The following LRRC27 variants were observed in gnomAD, a reference collection of about 807,000 sequenced individuals.
LRRC27 encodes leucine-rich repeat-containing protein 27.
LRRC27 carries 57 observed loss-of-function variants against 55.0 expected under a neutral mutation model. That is an observed-to-expected ratio of 1.04 (90% CI 0.84 to 1.29). The LOEUF is 1.29. Ranked by LOEUF, LRRC27 falls within the 50% of genes most tolerant of loss-of-function variation. The pLI is 0.00. For synonymous variants in LRRC27, 278 were observed against 251.9 expected, an observed-to-expected ratio of 1.10 and a Z score of -0.98; for missense variants, 721 against 651.5, an observed-to-expected ratio of 1.11 and a Z score of -1.16.
rs116121322 is a variant in LRRC27, at chr10:132,347,995, G to T, written c.565G>T (p.Val189Phe). ...TCTTACTCTCCCAGAGGCTCCACCGGTTAGAGAGATGACCCTCCGTGACCT... is the reference window on the plus strand; with the variant it reads ...TCTTACTCTCCCAGAGGCTCCACCGTTTAGAGAGATGACCCTCCGTGACCT... ...RNPTSQEAPP[V>F]REMTLRDLPS... The change falls in exon 6 of 11, where the codon GTT (valine) becomes TTT (phenylalanine). Residue 189 changes from valine (V) to phenylalanine (F), a missense_variant. Coordinates refer to ENST00000368614, the MANE Select transcript of LRRC27 (RefSeq NM_030626.3). 8 of 1,608,016 alleles carry T rather than the reference G, an allele frequency of 5.0e-6. No homozygotes were observed. The highest frequency in any genetic ancestry group is 4.2e-4 in the Middle Eastern group (2 of 4,770).
At position 132,348,776 on chromosome 10, in the gene LRRC27, T is replaced by C. The variant is rs1457886370; in HGVS notation, c.926+420T>C. 3.3e-5 allele frequency among the ~76,000 whole-genome samples: 5 copies of C among 152,198 alleles called. No homozygotes were observed. The highest frequency in any genetic ancestry group is 7.3e-5 in the Non-Finnish European group (5 of 68,034). On this transcript the variant is annotated intron_variant, in intron 6 of 10. Transcript: ENST00000368614. The surrounding 1 kb of genome is among the most constrained non-coding windows in gnomAD (Gnocchi z 4.2). ...ATTCTTGTGAGGCTTCGATCAGTGCTCACTGAATCCACATTTTACCTGTGA... is the reference window on the plus strand; with the variant it reads ...ATTCTTGTGAGGCTTCGATCAGTGCCCACTGAATCCACATTTTACCTGTGA...
In LRRC27 at chr10:132,372,409, A is replaced by G. The variant is rs2069240765; in HGVS notation, c.1417-2657A>G. ...TGGTGAAACCCCGTCTCTACTAAAAATACAAAAAATTAGCCGGGCACAGTG... is the reference window on the plus strand; with the variant it reads ...TGGTGAAACCCCGTCTCTACTAAAAGTACAAAAAATTAGCCGGGCACAGTG... On this transcript the variant is annotated intron_variant, in intron 10 of 10. Coordinates refer to ENST00000368614, the MANE Select transcript of LRRC27 (RefSeq NM_030626.3). The surrounding 1 kb of genome is among the most constrained non-coding windows in gnomAD (Gnocchi z 4.0). Among the ~76,000 whole-genome samples the G allele has an allele frequency of 1.3e-5, 2 of 152,236 alleles. No homozygotes were observed. Among genetic ancestry groups the G allele is most frequent in the Non-Finnish European group, 2.9e-5 (2 of 68,034 alleles).
intron 6 of LRRC27, among the ~76,000 whole-genome samples, chr10:132,349,798 G>A (rs1474390973): frequency 6.6e-6 from 1 of 152,190 alleles, no homozygotes; most frequent in African/African-American, 2.4e-5. Context: ...CTGCCCCATG[G>A]TTGGGTGGGC....
At chr10:132,332,580 C>T (rs3923974) in intron 1 of LRRC27, 19,238 of 152,080 alleles carry the variant, frequency 0.13, 1,368 homozygotes, top group East Asian at 0.35. Flanking sequence ...AAGATACTTT[C>T]CCTGTTCTGA....
upstream of LRRC27, chr10:132,331,830 G>C (rs1476707348): frequency 2.0e-6 from 3 of 1,534,924 alleles, no homozygotes; most frequent in Non-Finnish European, 2.6e-6. Context: ...CTTCAAGGCC[G>C]CGGGCGCGGA....
chr10:132,330,634 C>A, upstream of LRRC27: 1 of 669,106 alleles, frequency 1.5e-6, no homozygotes, highest in Non-Finnish European at 2.7e-6. Context: ...CACCCTCCCA[C>A]ACAGCTGGAA....
intron 10 of LRRC27, among the ~76,000 whole-genome samples, chr10:132,369,310 C>T (rs1258063820): frequency 2.6e-5 from 4 of 152,226 alleles, no homozygotes; most frequent in East Asian, 1.9e-4. Context: ...TACACCAAAA[C>T]CTGCACACAG....
intron 4 of LRRC27, among the ~76,000 whole-genome samples, chr10:132,344,179 A>C (rs2748393): frequency 0.15 from 23,476 of 152,072 alleles, 2,200 homozygotes; most frequent in Non-Finnish European, 0.23. Flanking sequence ...GGTAGTTTTT[A>C]TGTGGAAAAT....
At chr10:132,361,640 G>A (rs1336035244) in intron 9 of LRRC27, 65 bp downstream of exon 9, 6 of 1,202,296 alleles carry the variant, frequency 5.0e-6, no homozygotes, top group African/African-American at 1.5e-5. Flanking sequence ...GGCAGGTGCT[G>A]TTGTTTATTT....
intron 7 of LRRC27, chr10:132,353,410 G>A: frequency 9.7e-7 from 1 of 1,027,870 alleles, no homozygotes; most frequent in Non-Finnish European, 1.2e-6. Context: ...CGTTGTGTGT[G>A]TGCTGTTTTC....
rs1274175441 is a variant in LRRC27, at chr10:132,372,033, C to T, written c.1417-3033C>T. 6.6e-6 allele frequency among the ~76,000 whole-genome samples: 1 copy of T among 152,268 alleles called. No homozygotes were observed. The highest frequency in any genetic ancestry group is 1.5e-5 in the Non-Finnish European group (1 of 68,044). On this transcript the variant is annotated intron_variant, in intron 10 of 10. Coordinates refer to ENST00000368614, the MANE Select transcript of LRRC27 (RefSeq NM_030626.3). The surrounding 1 kb of genome is among the most constrained non-coding windows in gnomAD (Gnocchi z 4.0). ...CATGAAGGGCCTGCCCAGCAAAATG[C>T]CAGCAAAGATGCACAGTGATGCAGC...
chr10:132,350,199 A>T (rs901764070), intron 6 of LRRC27, among the ~76,000 whole-genome samples: 6 of 152,242 alleles, frequency 3.9e-5, no homozygotes, highest in Non-Finnish European at 7.3e-5. Context: ...TAAAAATCAT[A>T]GGTAAATAAT....
chr10:132,357,587 T>G (rs748954763), intron 8 of LRRC27, among the ~76,000 whole-genome samples: 1 of 152,104 alleles, frequency 6.6e-6, no homozygotes, highest in Non-Finnish European at 1.5e-5. Flanking sequence ...AAAACTCTCA[T>G]TGGTCTGGAA....
intron 8 of LRRC27, among the ~76,000 whole-genome samples, chr10:132,357,007 C>T (rs1260371441): frequency 1.3e-5 from 2 of 152,244 alleles, no homozygotes; most frequent in Non-Finnish European, 2.9e-5. Flanking sequence ...GCCACGTGGG[C>T]CTGCAGGCGT....
At chr10:132,349,366 G>A (rs2067893583) in intron 6 of LRRC27, among the ~76,000 whole-genome samples, 1 of 152,202 alleles carries the variant, frequency 6.6e-6, no homozygotes, top group South Asian at 2.1e-4. Context: ...CAGCTGTCCT[G>A]TAGGTTTGAA....
At chr10:132,355,724 G>A in intron 7 of LRRC27, 66 bp from the exon 8 acceptor site, 1 of 1,219,704 alleles carries the variant, frequency 8.2e-7, no homozygotes. Flanking sequence ...TAGAATGACA[G>A]AGGAATCCTG....
intron 7 of LRRC27, among the ~76,000 whole-genome samples, chr10:132,355,452 G>A (rs757145737): frequency 8.5e-5 from 13 of 152,208 alleles, no homozygotes; most frequent in African/African-American, 2.7e-4. Flanking sequence ...CCAACCCGTC[G>A]TGCAGCGCCT....
intron 3 of LRRC27, among the ~76,000 whole-genome samples, chr10:132,341,192 G>C (rs1219332434): frequency 6.6e-6 from 1 of 152,000 alleles, no homozygotes; most frequent in Non-Finnish European, 1.5e-5. Context: ...GCTCAGCCAG[G>C]CGTGGTGGCA....
Position 132,348,361 on chromosome 10 carries a change from A to C in LRRC27, c.926+5A>C, listed in dbSNP as rs770247346. 6.2e-7 allele frequency: 1 copy of C among 1,601,554 alleles called. No homozygotes were observed. The highest frequency in any genetic ancestry group is 8.5e-7 in the Non-Finnish European group (1 of 1,172,352). On this transcript the variant is annotated splice_donor_5th_base_variant and intron_variant, in intron 6 of 10. Coordinates refer to ENST00000368614, the MANE Select transcript of LRRC27 (RefSeq NM_030626.3). This position sits in a 1 kb window ranked among gnomAD's most constrained non-coding sequence, Gnocchi z 4.2. ...AAAGCCAAGACACGTTTTCAGGTAAAACTGAAAAGCAACGGGGGATTTTCT... is the reference window on the plus strand; with the variant it reads ...AAAGCCAAGACACGTTTTCAGGTAACACTGAAAAGCAACGGGGGATTTTCT...
Sources: allele counts gnomAD v4.1 joint callset (sites outside exome capture counted in the v4.1 genomes callset), GRCh38; gene constraint gnomAD v4.1.1; non-coding constraint Gnocchi (gnomAD v3.1); transcripts MANE v1.5; gene names NCBI Gene and HGNC (gene_info 2026-07-23, HGNC 2026-07-21).